The following CNTN5 variants were observed in gnomAD, a reference collection of about 807,000 sequenced individuals.
The protein encoded by CNTN5 is contactin-5.
CNTN5 carries 77 observed loss-of-function variants against 129.1 expected under a neutral mutation model. The ratio of observed to expected loss-of-function variants is 0.60; its 90% CI spans 0.50 to 0.72. CNTN5 has a LOEUF of 0.72. Ranked by LOEUF, CNTN5 falls within the 30% of genes least tolerant of loss-of-function variation. The pLI, the probability that CNTN5 is intolerant of heterozygous loss-of-function variation, is 0.00. For synonymous variants in CNTN5, 509 were observed against 465.6 expected, an observed-to-expected ratio of 1.09 and a Z score of -1.20; for missense variants, 1,478 against 1,328.8, an observed-to-expected ratio of 1.11 and a Z score of -1.75.
intron 2 of CNTN5, among the ~76,000 whole-genome samples, chr11:99,457,942 A>C (rs1416537752): frequency 1.3e-5 from 2 of 151,872 alleles, no homozygotes. Flanking sequence ...TTTTGTTGAC[A>C]TCCTACATTT....
rs770348038 is a variant in CNTN5, at chr11:100,350,703, T to C, written c.3032T>C (p.Val1011Ala). 1 of 1,598,648 alleles carries C rather than the reference T, an allele frequency of 6.3e-7. No individual in the cohort carries two copies. The change falls in exon 24 of 25, where the codon GTT becomes GCT. Residue 1011 changes from valine (V) to alanine (A), a missense_variant and splice_region_variant. Val to Ala is a moderately conservative substitution (Grantham distance 64, BLOSUM62 0). Transcript: ENST00000524871. ...ANESEVVGYK[V>A]FYRQEGHSNS... Reference sequence around the variant, plus strand: ...TCTAAACCTTGTTATTACTCTCAGGTTTTTTATAGGCAAGAGGGTCACAGC... The same window carrying C: ...TCTAAACCTTGTTATTACTCTCAGGCTTTTTATAGGCAAGAGGGTCACAGC...
intron 18 of CNTN5, among the ~76,000 whole-genome samples, chr11:100,277,157 T>C (rs930519093): frequency 6.6e-6 from 1 of 152,186 alleles, no homozygotes; most frequent in African/African-American, 2.4e-5. Context: ...CAGGATTTCA[T>C]TCTTTTGTAT....
intron 3 of CNTN5, among the ~76,000 whole-genome samples, chr11:99,620,769 A>T (rs1329457208): frequency 6.6e-6 from 1 of 152,090 alleles, no homozygotes; most frequent in East Asian, 1.9e-4. Flanking sequence ...TGAAAAAAAT[A>T]GGGGACTCTC....
chr11:99,134,815 G>T (rs1390096223), intron 1 of CNTN5, among the ~76,000 whole-genome samples: 2 of 152,112 alleles, frequency 1.3e-5, no homozygotes, highest in Non-Finnish European at 2.9e-5. Context: ...TAATAATTAG[G>T]ATCAGATTTC....
At chr11:99,580,585 C>A (rs1346827241) in intron 3 of CNTN5, among the ~76,000 whole-genome samples, 2 of 152,156 alleles carry the variant, frequency 1.3e-5, no homozygotes, top group Non-Finnish European at 1.5e-5. Context: ...AGGAATTTAT[C>A]CATTTCTTCT....
chr11:99,865,737 C>T (rs1271847303), intron 6 of CNTN5, among the ~76,000 whole-genome samples: 1 of 151,958 alleles, frequency 6.6e-6, no homozygotes, highest in African/African-American at 2.4e-5. Flanking sequence ...AAGCCACATG[C>T]AACTCTTTTA....
chr11:99,103,928 A>C (rs1866869162), intron 1 of CNTN5, among the ~76,000 whole-genome samples: 1 of 152,126 alleles, frequency 6.6e-6, no homozygotes, highest in South Asian at 2.1e-4. Flanking sequence ...TCTTCAAAAC[A>C]CTGTGGCTTG....
chr11:100,131,130 A>G (rs1946364483), intron 13 of CNTN5, among the ~76,000 whole-genome samples: 1 of 152,024 alleles, frequency 6.6e-6, no homozygotes, highest in South Asian at 2.1e-4. Context: ...GATCTTATTT[A>G]CCGTTTAAGA....
At chr11:100,291,718 A>G (rs1470853789) in intron 18 of CNTN5, among the ~76,000 whole-genome samples, 2 of 150,876 alleles carry the variant, frequency 1.3e-5, no homozygotes, top group African/African-American at 2.4e-5. Flanking sequence ...AACCTGCACA[A>G]TGTGCACATG....
At chr11:99,981,468 C>A (rs1327509117) in intron 8 of CNTN5, among the ~76,000 whole-genome samples, 1 of 152,114 alleles carries the variant, frequency 6.6e-6, no homozygotes, top group Non-Finnish European at 1.5e-5. Context: ...TTGAATGGTG[C>A]CTGCCTACAC....
chr11:99,239,398 C>G (rs889761862), intron 1 of CNTN5, among the ~76,000 whole-genome samples: 2 of 152,108 alleles, frequency 1.3e-5, no homozygotes, highest in Non-Finnish European at 2.9e-5. Context: ...AGTTTAGTCT[C>G]GAATCTAAGT....
At chr11:100,011,935 G>A (rs968444706) in intron 9 of CNTN5, among the ~76,000 whole-genome samples, 2 of 152,096 alleles carry the variant, frequency 1.3e-5, no homozygotes, top group African/African-American at 4.8e-5. Context: ...GTTCCTGGAA[G>A]AACCTGCTCT....
intron 3 of CNTN5, among the ~76,000 whole-genome samples, chr11:99,606,418 C>A (rs1220296969): frequency 7.0e-6 from 1 of 141,882 alleles, no homozygotes; most frequent in African/African-American, 2.6e-5. Flanking sequence ...TCAAGGAGAA[C>A]TACAAACCAC....
chr11:100,243,887 A>G (rs1949790549), intron 16 of CNTN5, among the ~76,000 whole-genome samples: 1 of 152,196 alleles, frequency 6.6e-6, no homozygotes, highest in South Asian at 2.1e-4. Context: ...AATGTATTTC[A>G]ATAAAAATTA....
At chr11:99,785,743 A>G (rs11606996) in intron 3 of CNTN5, among the ~76,000 whole-genome samples, 22 of 152,304 alleles carry the variant, frequency 1.4e-4, no homozygotes, top group Non-Finnish European at 2.8e-4. Flanking sequence ...AACAGAACCA[A>G]TGACAGAAAC....
intron 9 of CNTN5, among the ~76,000 whole-genome samples, chr11:100,048,355 C>T (rs151043130): frequency 6.6e-6 from 1 of 152,170 alleles, no homozygotes; most frequent in East Asian, 1.9e-4. Flanking sequence ...AAAAGCTTTC[C>T]TGGTTCTTCA....
chr11:99,402,910 T>A (rs1482330387), intron 2 of CNTN5, among the ~76,000 whole-genome samples: 1 of 152,194 alleles, frequency 6.6e-6, no homozygotes, highest in African/African-American at 2.4e-5. Flanking sequence ...GTATCAACTG[T>A]CATGTCTCCT....
At chr11:99,835,068 A>G (rs1368281022) in intron 4 of CNTN5, among the ~76,000 whole-genome samples, 2 of 152,182 alleles carry the variant, frequency 1.3e-5, no homozygotes, top group Admixed American at 6.5e-5. Context: ...CAAAAAGTTT[A>G]TGTTCCCCTC....
chr11:99,452,522 G>A (rs1021858993), intron 2 of CNTN5, among the ~76,000 whole-genome samples: 13 of 151,694 alleles, frequency 8.6e-5, no homozygotes, highest in African/African-American at 1.5e-4. Flanking sequence ...ACAGGTGCCC[G>A]CCACCACACC....
Sources: gnomAD v4.1 joint callset for allele counts (sites outside exome capture counted in the v4.1 genomes callset) on GRCh38, gnomAD v4.1.1 for gene constraint, MANE v1.5 for transcripts, NCBI Gene and HGNC (gene_info 2026-07-23, HGNC 2026-07-21) for gene names.